The following IGSF3 variants were observed in gnomAD, a reference collection of about 807,000 sequenced individuals.
The protein encoded by IGSF3 is glu-Trp-Ile EWI motif-containing protein 3.
IGSF3 carries 23 observed loss-of-function variants against 114.4 expected under a neutral mutation model. The observed-to-expected ratio is 0.20, with a 90% CI of 0.14 to 0.28. The LOEUF is 0.28. Among genes scored for constraint, IGSF3 ranks in the 10% least tolerant of loss-of-function variants. The probability of loss-of-function intolerance (pLI) is 1.00; values close to 1 mark genes in which losing one functional copy is unlikely to be tolerated. For missense variants in IGSF3, 1,172 were observed against 1,591.5 expected (o/e 0.74, Z 4.48); for synonymous variants, 571 against 645.2 (o/e 0.88, Z 1.74).
chr1:116,606,178 T>C (rs1660785019), intron 5 of IGSF3, among the ~76,000 whole-genome samples: 1 of 152,228 alleles, frequency 6.6e-6, no homozygotes, highest in Non-Finnish European at 1.5e-5. Flanking sequence ...AAATTTCAAA[T>C]CAGGAAGTTG....
rs1660681541 is a variant in IGSF3 at position 116,603,595 on chromosome 1, A to ACGCACTGCCAGT, written c.1624+28_1624+29insACTGGCAGTGCG. On this transcript the variant is annotated intron_variant, in intron 6 of 10. Transcript: ENST00000369486. This position sits in a 1 kb window ranked among gnomAD's most constrained non-coding sequence, Gnocchi z 7.1. Reference sequence around the variant, plus strand: ...GACACTGAAGCTGTCTCCATGCCAGACCCACTGCCAGTCCCACCGCTCACT... The same window carrying ACGCACTGCCAGT: ...GACACTGAAGCTGTCTCCATGCCAGACGCACTGCCAGTCCCACTGCCAGTCCCACCGCTCACT... The ACGCACTGCCAGT allele has an allele frequency of 6.2e-7, 1 of 1,600,554 alleles. No homozygotes were observed. Among genetic ancestry groups the ACGCACTGCCAGT allele is most frequent in the African/African-American group, 1.3e-5 (1 of 74,804 alleles).
rs1010532563 is a variant in IGSF3, at chr1:116,596,506, TAC to T, written c.2029+3433_2029+3434del. On this transcript the variant is annotated intron_variant, in intron 7 of 10. Transcript: ENST00000369486. This position sits in a 1 kb window ranked among gnomAD's most constrained non-coding sequence, Gnocchi z 4.1. ...TAAAAGAGGCACAAGATAAAACTTCTACACCATCAGCAAACTGTGTCTTGAGG... is the reference window on the plus strand; with the variant it reads ...TAAAAGAGGCACAAGATAAAACTTCTACCATCAGCAAACTGTGTCTTGAGG... 6.6e-6 allele frequency among the ~76,000 whole-genome samples: 1 copy of T among 152,192 alleles called. No individual in the cohort carries two copies. The highest frequency in any genetic ancestry group is 2.4e-5 in the African/African-American group (1 of 41,440).
chr1:116,640,037 C>CA (rs34003833), intron 2 of IGSF3, among the ~76,000 whole-genome samples: 1,380 of 64,544 alleles, frequency 0.021, 14 homozygotes, highest in East Asian at 0.054. Context: ...GACTCTATCT[C>CA]AAAAAAAAAA....
chr1:116,619,567 T>C (rs3965235), intron 2 of IGSF3, among the ~76,000 whole-genome samples: 1 of 152,128 alleles, frequency 6.6e-6, no homozygotes, highest in South Asian at 2.1e-4. Context: ...AACATAAAAA[T>C]AATTGTTTTC....
At chr1:116,640,645 T>C (rs1329944741) in intron 2 of IGSF3, among the ~76,000 whole-genome samples, 4 of 152,252 alleles carry the variant, frequency 2.6e-5, no homozygotes, top group Admixed American at 6.5e-5. Context: ...CTTTATACCA[T>C]GGTCCACTGT....
rs1201637177 is a variant in IGSF3 at position 116,648,934 on chromosome 1, TGA to T, written c.43+17348_43+17349del. Among the ~76,000 whole-genome samples, 2 of 152,042 alleles carry T rather than the reference TGA, an allele frequency of 1.3e-5. No individual in the cohort carries two copies. Among genetic ancestry groups the T allele is most frequent in the Non-Finnish European group, 2.9e-5 (2 of 68,006 alleles). ...GATGTAAACCTGCCCCCAGAAACAC[TGA>T]GAGTCCTAGAGGTAGAATGAGTCAG... On this transcript the variant is annotated intron_variant, in intron 2 of 10. Transcript: ENST00000369486. The surrounding 1 kb of genome is among the most constrained non-coding windows in gnomAD (Gnocchi z 4.7).
intron 2 of IGSF3, among the ~76,000 whole-genome samples, chr1:116,645,674 T>C (rs1238610819): frequency 6.6e-6 from 1 of 152,180 alleles, no homozygotes; most frequent in Non-Finnish European, 1.5e-5. Flanking sequence ...GCAGGGGAAC[T>C]GTAGGGAGGA....
Position 116,577,901 on chromosome 1 carries a change from C to T in IGSF3, c.3335-339G>A, listed in dbSNP as rs1659420689. On this transcript the variant is annotated intron_variant, in intron 10 of 10. Coordinates refer to ENST00000369486, the MANE Select transcript of IGSF3 (RefSeq NM_001007237.3). The surrounding 1 kb of genome is among the most constrained non-coding windows in gnomAD (Gnocchi z 5.7). ...GGTGAAGAAGCTGCTCTGGTTCAGT[C>T]GGAGCCTCCTGCATGGTTGGATTTT... is the stretch of plus-strand genomic sequence containing the variant. Among the ~76,000 whole-genome samples the T allele has an allele frequency of 6.6e-6, 1 of 152,120 alleles. No homozygotes were observed. Among genetic ancestry groups the T allele is most frequent in the South Asian group, 2.1e-4 (1 of 4,814 alleles).
Position 116,662,434 on chromosome 1 carries a change from G to A in IGSF3, c.43+3850C>T, listed in dbSNP as rs1649155619. On this transcript the variant is annotated intron_variant, in intron 2 of 10. Transcript: ENST00000369486. This position sits in a 1 kb window ranked among gnomAD's most constrained non-coding sequence, Gnocchi z 4.3. ...CATCTATAAAAATGTGATAATGCAA[G>A]GTATCTATCTTACAGGGTTGTTTTG... Among the ~76,000 whole-genome samples the A allele has an allele frequency of 6.6e-6, 1 of 152,110 alleles. No homozygotes were observed. Among genetic ancestry groups the A allele is most frequent in the Non-Finnish European group, 1.5e-5 (1 of 68,020 alleles).
At chr1:116,623,575 G>A (rs1210500735) in intron 2 of IGSF3, among the ~76,000 whole-genome samples, 3 of 152,076 alleles carry the variant, frequency 2.0e-5, no homozygotes, top group Non-Finnish European at 4.4e-5. Flanking sequence ...AGGAGGCTGA[G>A]GCAGGAGAAT....
chr1:116,588,544 GC>G lies in IGSF3; in HGVS notation c.2440+149del. The G allele has an allele frequency of 1.4e-6, 1 of 710,596 alleles. No homozygotes were observed. Among genetic ancestry groups the G allele is most frequent in the Admixed American group, 2.9e-5 (1 of 34,100 alleles). 44.0% of individuals were successfully genotyped at this position (710,596 alleles called of 1,614,324 possible). A position where few individuals can be genotyped will look rare whatever the true frequency, so the allele number is the denominator to read the frequency against. On this transcript the variant is annotated intron_variant, in intron 8 of 10. Transcript: ENST00000369486. The surrounding 1 kb of genome is among the most constrained non-coding windows in gnomAD (Gnocchi z 4.9). ...GGTAAAATGGATGGGATTGCAGTGTGCTAGGGTGATGGTCCGTGTACCTGCA... is the reference window on the plus strand; with the variant it reads ...GGTAAAATGGATGGGATTGCAGTGTGTAGGGTGATGGTCCGTGTACCTGCA...
intron 4 of IGSF3, among the ~76,000 whole-genome samples, chr1:116,609,592 T>C (rs965442285): frequency 9.9e-5 from 15 of 152,226 alleles, no homozygotes; most frequent in African/African-American, 2.9e-4. Context: ...ACTGGAGCTG[T>C]GACCACTGCC....
rs1649150216 is a variant in IGSF3 at position 116,662,269 on chromosome 1, C to T, written c.43+4015G>A. Among the ~76,000 whole-genome samples the T allele has an allele frequency of 1.3e-5, 2 of 151,962 alleles. No homozygotes were observed. Among genetic ancestry groups the T allele is most frequent in the Non-Finnish European group, 2.9e-5 (2 of 68,010 alleles). ...TATTTTTAGTACAGACGGTGTTTCA[C>T]CATGTTGGCCAGGCTGGTCTCAAAC... On this transcript the variant is annotated intron_variant, in intron 2 of 10. Transcript: ENST00000369486. This position sits in a 1 kb window ranked among gnomAD's most constrained non-coding sequence, Gnocchi z 4.3.
chr1:116,620,402 A>C (rs1228442411), intron 2 of IGSF3, among the ~76,000 whole-genome samples: 2 of 152,172 alleles, frequency 1.3e-5, no homozygotes, highest in African/African-American at 4.8e-5. Flanking sequence ...TGAAAACCCT[A>C]AATAATGGAG....
In IGSF3 at chr1:116,632,419, C is replaced by T. The variant is rs1225978465; in HGVS notation, c.44-15962G>A. 6.6e-6 allele frequency among the ~76,000 whole-genome samples: 1 copy of T among 152,116 alleles called. No individual in the cohort carries two copies. The highest frequency in any genetic ancestry group is 6.6e-5 in the Admixed American group (1 of 15,260). The stretch of plus-strand genomic sequence containing the variant: ...ACTGTCATTGGATGGTGACATTCCC[C>T]AGGACTCAAGCAGCATCTGAGAAGC... On this transcript the variant is annotated intron_variant, in intron 2 of 10. Coordinates refer to ENST00000369486, the MANE Select transcript of IGSF3 (RefSeq NM_001007237.3). The surrounding 1 kb of genome is among the most constrained non-coding windows in gnomAD (Gnocchi z 5.1).
intron 4 of IGSF3, among the ~76,000 whole-genome samples, chr1:116,608,807 G>C (rs1408013530): frequency 1.3e-5 from 2 of 152,154 alleles, no homozygotes; most frequent in African/African-American, 4.8e-5. Flanking sequence ...TGGCCTAGGT[G>C]CTGGCCCAAT....
Position 116,589,065 on chromosome 1 carries a change from G to A in IGSF3, c.2069C>T (p.Thr690Ile), listed in dbSNP as rs550391156. ...CTGAATGGGCTTGTTTTCCACCAGGGTGAGGGTCCTCTTCGATTTGCTCAC... is the reference window on the plus strand; with the variant it reads ...CTGAATGGGCTTGTTTTCCACCAGGATGAGGGTCCTCTTCGATTTGCTCAC... ...LQVSKSKRTL[T>I]LVENKPIQLN... Residue 690 changes from threonine (T) to isoleucine (I), a missense_variant, in exon 8 of 11, where the codon ACC (threonine) becomes ATC (isoleucine). Coordinates refer to ENST00000369486, the MANE Select transcript of IGSF3 (RefSeq NM_001007237.3). The surrounding 1 kb of genome is among the most constrained non-coding windows in gnomAD (Gnocchi z 5.7). 2 of 1,614,144 alleles carry A rather than the reference G, an allele frequency of 1.2e-6. No homozygotes were observed. The highest frequency in any genetic ancestry group is 2.2e-5 in the East Asian group (1 of 44,880).
rs995122892 is a variant in IGSF3, at chr1:116,666,651, G to T, written c.-325C>A. 1.8e-6 allele frequency: 1 copy of T among 558,688 alleles called. No homozygotes were observed. Among genetic ancestry groups the T allele is most frequent in the African/African-American group, 1.9e-5 (1 of 52,784 alleles). 34.6% of individuals were successfully genotyped at this position (558,688 alleles called of 1,614,324 possible). On this transcript the variant is annotated 5_prime_UTR_variant, in exon 2 of 11. Coordinates refer to ENST00000369486, the MANE Select transcript of IGSF3 (RefSeq NM_001007237.3). ...AGTGGATTAATCCTCCAGAAGCACG[G>T]AAAAAAGGGTCTGAGAAAATCCTTT... is the stretch of plus-strand genomic sequence containing the variant.
At chr1:116,639,039 C>A (rs1186172082) in intron 2 of IGSF3, among the ~76,000 whole-genome samples, 1 of 152,182 alleles carries the variant, frequency 6.6e-6, no homozygotes, top group Non-Finnish European at 1.5e-5. Flanking sequence ...GGTGGTCAGC[C>A]TGGAAAATCA....
Sources: allele counts gnomAD v4.1 joint callset (sites outside exome capture counted in the v4.1 genomes callset), GRCh38; gene constraint gnomAD v4.1.1; non-coding constraint Gnocchi (gnomAD v3.1); transcripts MANE v1.5; gene names NCBI Gene and HGNC (gene_info 2026-07-23, HGNC 2026-07-21).